Variants in GMIP observed in about 807,000 individuals in gnomAD.
GMIP encodes GEM interacting protein, also known as GEM-interacting protein.
Under a neutral mutation model 105.3 loss-of-function variants are expected in GMIP, and 54 were observed. The observed-to-expected ratio is 0.51, with a 90% confidence interval of 0.41 to 0.64. The LOEUF (loss-of-function observed/expected upper bound fraction) is 0.64, where lower values mean the gene tolerates loss of function less well. Among genes scored for constraint, GMIP ranks in the 30% least tolerant of loss-of-function variants. The pLI is 0.00. For synonymous variants in GMIP, 541 were observed against 560.8 expected (o/e 0.96, Z 0.50); for missense variants, 1,110 against 1,319.4 (o/e 0.84, Z 2.46).
At position 19,635,741 on chromosome 19, in the gene GMIP, G is replaced by T; in HGVS notation, c.1328-20C>A. 6.2e-7 allele frequency: 1 copy of T among 1,600,430 alleles called. No individual in the cohort carries two copies. The highest frequency in any genetic ancestry group is 1.1e-5 in the South Asian group (1 of 90,742). ...CAGCGCCTGGGGTCAGAGGAATCAT[G>T]GGAGATTCCTGGGCTATGGGAGGCA... On this transcript the variant is annotated intron_variant, in intron 13 of 20. Transcript: ENST00000203556. The surrounding 1 kb of genome is among the most constrained non-coding windows in gnomAD (Gnocchi z 4.7).
Position 19,637,035 on chromosome 19 carries a change from A to AATCTC in GMIP, c.1125-7_1125-6insGAGAT. On this transcript the variant is annotated splice_region_variant and splice_polypyrimidine_tract_variant and intron_variant, in intron 11 of 20. Transcript: ENST00000203556. The surrounding 1 kb of genome is among the most constrained non-coding windows in gnomAD (Gnocchi z 6.7). ...TTCTGATGTCCAGAGGGGAGCTGAG[A>AATCTC]AGACAGAAGTTTGAAGGTTTGAATC... The AATCTC allele has an allele frequency of 6.5e-7, 1 of 1,544,412 alleles. No homozygotes were observed. Among genetic ancestry groups the AATCTC allele is most frequent in the Non-Finnish European group, 8.8e-7 (1 of 1,136,952 alleles).
Position 19,640,201 on chromosome 19 carries a change from G to T in GMIP, c.430-9C>A. ...TGCAGAGGCATGTGGCTCTGGGGAA[G>T]ACAGAGTGGTGTAGGAGGATACTGA... is the stretch of plus-strand genomic sequence containing the variant. On this transcript the variant is annotated splice_polypyrimidine_tract_variant and intron_variant, in intron 6 of 20. Coordinates refer to ENST00000203556, the MANE Select transcript of GMIP (RefSeq NM_016573.4). 1 of 1,601,610 alleles carries T rather than the reference G, an allele frequency of 6.2e-7. No individual in the cohort carries two copies. The highest frequency in any genetic ancestry group is 8.6e-7 in the Non-Finnish European group (1 of 1,168,938).
rs1421258095 is a variant in GMIP at position 19,629,954 on chromosome 19, CCAG to C, written c.*6_*8del. On this transcript the variant is annotated 3_prime_UTR_variant, in exon 21 of 21. Coordinates refer to ENST00000203556, the MANE Select transcript of GMIP (RefSeq NM_016573.4). ...CTGGGCCTCTTCCTTATTTAAGGTG[CCAG>C]GGTGGTCAGAGATGGTCCTCGGCTT... 2 of 1,604,956 alleles carry C rather than the reference CCAG, an allele frequency of 1.2e-6. No individual in the cohort carries two copies. Among genetic ancestry groups the C allele is most frequent in the Non-Finnish European group, 1.7e-6 (2 of 1,176,844 alleles).
In GMIP at chr19:19,643,363, G is replaced by C. The variant is rs1393400431; in HGVS notation, c.19+148C>G. On this transcript the variant is annotated intron_variant, in intron 1 of 20. Coordinates refer to ENST00000203556, the MANE Select transcript of GMIP (RefSeq NM_016573.4). ...GGGGTCCTGAACCCATCCGGGCACA[G>C]GGCTCCCCACAATGGAGGATCCCTG... The C allele has an allele frequency of 7.3e-6, 5 of 689,394 alleles. No homozygotes were observed. The East Asian group carries it at 1.3e-4, about 18-fold the overall frequency. 42.7% of individuals were successfully genotyped at this position (689,394 alleles called of 1,614,324 possible). A position where few individuals can be genotyped will look rare whatever the true frequency, so the allele number is the denominator to read the frequency against.
intron 2 of GMIP, 103 bp downstream of exon 2, chr19:19,642,432 G>A (rs1416840691): frequency 6.9e-6 from 5 of 724,770 alleles, no homozygotes; most frequent in Non-Finnish European, 1.3e-5. Flanking sequence ...TAGGTATGTA[G>A]GTCCAGATGT....
Position 19,636,789 on chromosome 19 carries a change from T to C in GMIP, c.1245A>G (p.Pro415=), listed in dbSNP as rs2061858531. 1.9e-6 allele frequency: 3 copies of C among 1,611,096 alleles called. No individual in the cohort carries two copies. Among genetic ancestry groups the C allele is most frequent in the Non-Finnish European group, 1.7e-6 (2 of 1,178,458 alleles). The change falls in exon 13 of 21, where the codon CCA becomes CCG. Residue 415 remains proline (P), a synonymous_variant. Coordinates refer to ENST00000203556, the MANE Select transcript of GMIP (RefSeq NM_016573.4). ...PGTGWRWQGT[P]GPTPGSDVDS... ...CCACATCGCTGCCCGGAGTGGGGCC[T>C]GGAGTCCCTAGGTGGCACAGGTCAA...
In GMIP at chr19:19,634,872, C is replaced by T. The variant is rs1379571732; in HGVS notation, c.1807G>A (p.Glu603Lys). The change falls in exon 17 of 21, where the codon GAG becomes AAG. Residue 603 changes from glutamate to lysine, a missense_variant. Glu to Lys is a moderately conservative substitution (Grantham distance 56). Around this residue, in one of 3 missense-constraint regions of GMIP, gnomAD observed 49 missense variants for 95.6 expected, o/e 0.51. Transcript: ENST00000203556. This position sits in a 1 kb window ranked among gnomAD's most constrained non-coding sequence, Gnocchi z 6.1. Reference protein sequence around the residue: ...VRVERLCQAFENGRALVELSG... With the variant: ...VRVERLCQAFKNGRALVELSG... ...AGCTCCACCAACGCTCGGCCATTCT[C>T]GAAAGCCTGGCACAGCCGCTCCACA... is the stretch of plus-strand genomic sequence containing the variant. The T allele has an allele frequency of 1.2e-6, 2 of 1,613,912 alleles. No individual in the cohort carries two copies. The highest frequency in any genetic ancestry group is 1.7e-6 in the Non-Finnish European group (2 of 1,180,034).
chr19:19,643,442 G>C (rs769294809), intron 1 of GMIP, 69 bp downstream of exon 1: 45 of 1,366,360 alleles, frequency 3.3e-5, no homozygotes, highest in Non-Finnish European at 4.4e-5. Flanking sequence ...AGCGGGACAA[G>C]TGTGTGCCCT....
At position 19,630,327 on chromosome 19, in the gene GMIP, T is replaced by C. The variant is rs1308711170; in HGVS notation, c.2549A>G (p.Gln850Arg). The C allele has an allele frequency of 6.5e-7, 1 of 1,540,338 alleles. No individual in the cohort carries two copies. Among genetic ancestry groups the C allele is most frequent in the East Asian group, 2.3e-5 (1 of 44,236 alleles). The change falls in exon 21 of 21, where the codon CAA (glutamine) becomes CGA (arginine). Residue 850 changes from glutamine (Q) to arginine (R), a missense_variant. Physicochemically the swap from Gln to Arg is conservative, Grantham distance 43. Transcript: ENST00000203556. This position sits in a 1 kb window ranked among gnomAD's most constrained non-coding sequence, Gnocchi z 4.8. ...TKDGGGEVSS[Q>R]GPEDSLLGTQ... ...CCCCAGGAGTGAGTCCTCTGGGCCTTGGCTGGACACTGTGTACGGGGTGGG... is the reference window on the plus strand; with the variant it reads ...CCCCAGGAGTGAGTCCTCTGGGCCTCGGCTGGACACTGTGTACGGGGTGGG...
intron 19 of GMIP, among the ~76,000 whole-genome samples, chr19:19,632,509 G>A (rs2061807112): frequency 6.6e-6 from 1 of 152,092 alleles, no homozygotes; most frequent in Non-Finnish European, 1.5e-5. Context: ...ACTCCAGTTG[G>A]GCAACACAGT....
At chr19:19,639,840 T>C (rs2061899190) in intron 7 of GMIP, among the ~76,000 whole-genome samples, 3 of 152,078 alleles carry the variant, frequency 2.0e-5, no homozygotes, top group Admixed American at 2.0e-4. Context: ...AAGAGCAAGA[T>C]ATTCTGTCTC....
chr19:19,636,888 C>A, intron 12 of GMIP, 29 bp downstream of exon 12: 1 of 1,549,240 alleles, frequency 6.5e-7, no homozygotes, highest in Non-Finnish European at 8.8e-7. Context: ...CTCCTGGCAC[C>A]ACTCCCACCT....
chr19:19,632,335 C>T (rs990532937), intron 19 of GMIP, among the ~76,000 whole-genome samples: 4 of 151,968 alleles, frequency 2.6e-5, no homozygotes, highest in African/African-American at 7.3e-5. Flanking sequence ...TGTGGTGGCT[C>T]ACGCCTATAA....
chr19:19,630,302 C>T lies in GMIP; in HGVS notation c.2574G>A (p.Gly858=), dbSNP rs2061781353. 1.3e-6 allele frequency: 2 copies of T among 1,545,012 alleles called. No homozygotes were observed. The highest frequency in any genetic ancestry group is 1.9e-5 in the Admixed American group (1 of 51,414). ...GGCTGAAGTGGCCACGAGACTGTGT[C>T]CCCAGGAGTGAGTCCTCTGGGCCTT... is the stretch of plus-strand genomic sequence containing the variant. ...SSQGPEDSLL[G]TQSRGHFSRQ... Residue 858 remains glycine (G), a synonymous_variant, in exon 21 of 21, where the codon GGG becomes GGA. Transcript: ENST00000203556. The surrounding 1 kb of genome is among the most constrained non-coding windows in gnomAD (Gnocchi z 4.8).
intron 1 of GMIP, 56 bp from the exon 2 acceptor site, chr19:19,642,675 A>C (rs2061935343): frequency 1.2e-6 from 1 of 809,066 alleles, no homozygotes; most frequent in Middle Eastern, 2.5e-4. Flanking sequence ...CACCCACGGC[A>C]CCTCAACCAG....
rs1279647621 is a variant in GMIP at position 19,635,476 on chromosome 19, C to T, written c.1499G>A (p.Arg500Gln). Residue 500 changes from arginine to glutamine, a missense_variant, in exon 15 of 21, where the codon CGG (arginine) becomes CAG (glutamine). This residue lies in a region of GMIP where 667 missense variants were observed against 773.2 expected (regional missense o/e 0.86). Transcript: ENST00000203556. The surrounding 1 kb of genome is among the most constrained non-coding windows in gnomAD (Gnocchi z 4.7). ...AAQTHQLRRLRGPAKCRECEA... is the reference protein window; with the variant it reads ...AAQTHQLRRLQGPAKCRECEA... ...GCACTCGCGGCACTTGGCTGGGCCC[C>T]GCAGTCGCCGCAGCTGGTGGGTCTG... 3.7e-6 allele frequency: 6 copies of T among 1,610,508 alleles called. No homozygotes were observed. Among genetic ancestry groups the T allele is most frequent in the Non-Finnish European group, 5.1e-6 (6 of 1,179,986 alleles).
chr19:19,641,670 C>T (rs2061920493), intron 4 of GMIP, 140 bp downstream of exon 4: 1 of 730,738 alleles, frequency 1.4e-6, no homozygotes, highest in Non-Finnish European at 2.4e-6. Context: ...TCCCTGAGGG[C>T]TGGGACTGAG....
chr19:19,635,770 C>T lies in GMIP; in HGVS notation c.1328-49G>A. 1 of 1,526,114 alleles carries T rather than the reference C, an allele frequency of 6.6e-7. No individual in the cohort carries two copies. Among genetic ancestry groups the T allele is most frequent in the African/African-American group, 1.4e-5 (1 of 73,390 alleles). 94.5% of individuals were successfully genotyped at this position (1,526,114 alleles called of 1,614,324 possible). On this transcript the variant is annotated intron_variant, in intron 13 of 20. Coordinates refer to ENST00000203556, the MANE Select transcript of GMIP (RefSeq NM_016573.4). This position sits in a 1 kb window ranked among gnomAD's most constrained non-coding sequence, Gnocchi z 4.7. ...GATTCCTGGGCTATGGGAGGCACTC[C>T]TGGTTTTTAGGGCTTCCAGAACCAC...
chr19:19,642,509 TGG>T, intron 2 of GMIP, 24 bp downstream of exon 2: 1 of 1,496,102 alleles, frequency 6.7e-7, no homozygotes, highest in Non-Finnish European at 9.3e-7. Flanking sequence ...TGGCAGGATT[TGG>T]GGGTGATCCA....
Sources: allele counts gnomAD v4.1 joint callset (sites outside exome capture counted in the v4.1 genomes callset), GRCh38; gene constraint gnomAD v4.1.1; regional missense constraint gnomAD v4.1.1; non-coding constraint Gnocchi (gnomAD v3.1); transcripts MANE v1.5; gene names NCBI Gene and HGNC (gene_info 2026-07-23, HGNC 2026-07-21).